The following MYRFL variants were observed in gnomAD, a reference collection of about 807,000 sequenced individuals.
MYRFL encodes the protein myelin regulatory factor-like protein.
MYRFL carries 88 observed loss-of-function variants against 109.4 expected under a neutral mutation model. The ratio of observed to expected loss-of-function variants is 0.80; its 90% CI spans 0.68 to 0.96. The LOEUF (loss-of-function observed/expected upper bound fraction) is 0.96, where lower values mean the gene tolerates loss of function less well. Ranked by LOEUF, MYRFL falls within the 40% of genes least tolerant of loss-of-function variation. The pLI, the probability that MYRFL is intolerant of heterozygous loss-of-function variation, is 0.00. For missense variants in MYRFL, 957 were observed against 954.9 expected, an observed-to-expected ratio of 1.00 and a Z score of -0.03; for synonymous variants, 324 against 320.9, an observed-to-expected ratio of 1.01 and a Z score of -0.10.
intron 10 of MYRFL, among the ~76,000 whole-genome samples, chr12:69,902,407 T>C (rs1241652094): frequency 6.6e-6 from 1 of 152,150 alleles, no homozygotes; most frequent in South Asian, 2.1e-4. Flanking sequence ...AGAGAGTATA[T>C]AGTGAAAGGT....
chr12:69,895,461 AAAACC>A lies in MYRFL; in HGVS notation c.1075_1079del (p.Pro359SerfsTer16). 1 of 1,535,698 alleles carries A rather than the reference AAAACC, an allele frequency of 6.5e-7. No homozygotes were observed. ...CAGCAAATAATATGAGAAAAAAGGGAAAACCAAATCCAGACCAGAGGTACTGATGT... is the reference window on the plus strand; with the variant it reads ...CAGCAAATAATATGAGAAAAAAGGGAAAATCCAGACCAGAGGTACTGATGT... On this transcript the variant is annotated frameshift_variant, in exon 9 of 25. Transcript: ENST00000552032. LOFTEE classifies it high-confidence loss of function.
chr12:69,874,871 C>T (rs1225432195), intron 2 of MYRFL, among the ~76,000 whole-genome samples: 3 of 151,864 alleles, frequency 2.0e-5, no homozygotes, highest in East Asian at 1.9e-4. Flanking sequence ...ACTTTTAAGA[C>T]TTTCTCTTTA....
chr12:69,953,035 T>C, intron 21 of MYRFL, 149 bp downstream of exon 21: 1 of 595,232 alleles, frequency 1.7e-6, no homozygotes, highest in Non-Finnish European at 2.9e-6. Context: ...TATTACATGG[T>C]GGGAGAAAGA....
chr12:69,852,477 T>C (rs1883931198), intron 1 of MYRFL, among the ~76,000 whole-genome samples: 1 of 151,294 alleles, frequency 6.6e-6, no homozygotes, highest in African/African-American at 2.4e-5. Flanking sequence ...ATATTTAATT[T>C]TAACCAACTA....
chr12:69,924,190 G>GAAAA (rs543542332), intron 13 of MYRFL, among the ~76,000 whole-genome samples: 1 of 79,874 alleles, frequency 1.3e-5, no homozygotes, highest in African/African-American at 5.0e-5. Flanking sequence ...CTCCGTCTCA[G>GAAAA]AAAAAAAAAA....
chr12:69,862,928 A>G (rs1884781512), intron 2 of MYRFL, among the ~76,000 whole-genome samples: 1 of 152,200 alleles, frequency 6.6e-6, no homozygotes, highest in Admixed American at 6.5e-5. Context: ...GGTCCCATCA[A>G]TACCTAATTT....
intron 2 of MYRFL, among the ~76,000 whole-genome samples, chr12:69,870,128 G>GTTT (rs1332225900): frequency 2.8e-5 from 3 of 106,902 alleles, no homozygotes; most frequent in African/African-American, 1.1e-4. Context: ...TTTTTTTTTG[G>GTTT]GACAGAGTCT....
intron 16 of MYRFL, among the ~76,000 whole-genome samples, chr12:69,935,278 T>TG (rs1488085202): frequency 6.6e-6 from 1 of 152,110 alleles, no homozygotes; most frequent in East Asian, 1.9e-4. Context: ...GAACCAGGTG[T>TG]GAAGTCAAAC....
intron 1 of MYRFL, among the ~76,000 whole-genome samples, chr12:69,851,809 C>G (rs1297976530): frequency 6.6e-6 from 1 of 152,132 alleles, no homozygotes; most frequent in African/African-American, 2.4e-5. Flanking sequence ...CAGACACACA[C>G]CACCATCTTG....
At position 69,936,526 on chromosome 12, in the gene MYRFL, G is replaced by T; in HGVS notation, c.2118G>T (p.Pro706=). ...AAATTACTTTCTGTGAAATCCTGCC[G>T]TGTCAGGAGACTTATTGCTGCCCCA... ...VPEITFCEIL[P]CQETYCCPIR... Residue 706 remains proline (P), a synonymous_variant, in exon 19 of 25, where the codon CCG becomes CCT. Coordinates refer to ENST00000552032, the MANE Select transcript of MYRFL (RefSeq NM_182530.3). 5 of 1,536,010 alleles carry T rather than the reference G, an allele frequency of 3.3e-6. No individual in the cohort carries two copies. Among genetic ancestry groups the T allele is most frequent in the Non-Finnish European group, 4.4e-6 (5 of 1,146,872 alleles).
At chr12:69,912,548 C>A (rs1444844355) in intron 13 of MYRFL, among the ~76,000 whole-genome samples, 5 of 152,182 alleles carry the variant, frequency 3.3e-5, no homozygotes, top group Non-Finnish European at 7.3e-5. Flanking sequence ...TAAGCAGAAT[C>A]ATAGAGCATT....
intron 2 of MYRFL, among the ~76,000 whole-genome samples, chr12:69,869,800 G>T (rs1592729346): frequency 6.6e-6 from 1 of 152,198 alleles, no homozygotes; most frequent in Non-Finnish European, 1.5e-5. Flanking sequence ...GTCTGGTAGA[G>T]TCATGAGCAC....
chr12:69,939,928 G>GAAGA (rs1317112700), intron 19 of MYRFL, among the ~76,000 whole-genome samples: 1 of 152,208 alleles, frequency 6.6e-6, no homozygotes, highest in Admixed American at 6.5e-5. Context: ...CGATCAACTG[G>GAAGA]AAGAAAGGGT....
chr12:69,948,218 G>A (rs780226505), intron 19 of MYRFL, among the ~76,000 whole-genome samples: 1 of 152,154 alleles, frequency 6.6e-6, no homozygotes, highest in Non-Finnish European at 1.5e-5. Flanking sequence ...TTTCAGAGAA[G>A]TGTCAAATGG....
intron 2 of MYRFL, among the ~76,000 whole-genome samples, chr12:69,860,658 T>G (rs1270162185): frequency 1.3e-5 from 2 of 152,152 alleles, no homozygotes; most frequent in African/African-American, 4.8e-5. Context: ...TGCCCTCTTT[T>G]AAATTGTTTG....
rs1279590099 is a variant in MYRFL at position 69,825,413 on chromosome 12, A to G, written c.-105A>G. ...TCACTCCAATAAAAAGAAAATGAAGATTTTTCAAGAGCATTCGTAGGCTTC... is the reference window on the plus strand; with the variant it reads ...TCACTCCAATAAAAAGAAAATGAAGGTTTTTCAAGAGCATTCGTAGGCTTC... On this transcript the variant is annotated 5_prime_UTR_variant, in exon 1 of 25. Coordinates refer to ENST00000552032, the MANE Select transcript of MYRFL (RefSeq NM_182530.3). 2.9e-6 allele frequency: 2 copies of G among 690,644 alleles called. No homozygotes were observed. The highest frequency in any genetic ancestry group is 5.3e-6 in the Non-Finnish European group (2 of 380,878). 42.8% of individuals were successfully genotyped at this position (690,644 alleles called of 1,614,324 possible).
At chr12:69,882,004 C>G (rs929579577) in intron 5 of MYRFL, among the ~76,000 whole-genome samples, 1 of 152,172 alleles carries the variant, frequency 6.6e-6, no homozygotes, top group East Asian at 1.9e-4. Flanking sequence ...GTCACTCAAA[C>G]CTTCCAAGAA....
At position 69,886,923 on chromosome 12, in the gene MYRFL, C is replaced by A; in HGVS notation, c.660C>A (p.Cys220Ter). The A allele has an allele frequency of 6.5e-7, 1 of 1,535,832 alleles. No individual in the cohort carries two copies. Among genetic ancestry groups the A allele is most frequent in the Non-Finnish European group, 8.7e-7 (1 of 1,146,702 alleles). Reference protein sequence around the residue: ...QCSPALKWQPCHSVPWHSLLN... With the variant: ...QCSPALKWQP ...CTCCTGCTCTGAAGTGGCAACCATG[C>A]CATAGTGTTCCTTGGCACAGCTTAT... The change falls in exon 6 of 25, where the codon TGC (cysteine) becomes TGA (stop). Residue 220 changes from cysteine (C) to a stop codon, truncating the protein, a stop_gained. Coordinates refer to ENST00000552032, the MANE Select transcript of MYRFL (RefSeq NM_182530.3). LOFTEE classifies it high-confidence loss of function.
At chr12:69,834,532 C>T (rs1016647994) in intron 1 of MYRFL, among the ~76,000 whole-genome samples, 7 of 152,100 alleles carry the variant, frequency 4.6e-5, no homozygotes, top group Admixed American at 1.3e-4. Context: ...TAACACCTAC[C>T]CTCTTACGGT....
Sources: gnomAD v4.1 joint callset for allele counts (sites outside exome capture counted in the v4.1 genomes callset) on GRCh38, gnomAD v4.1.1 for gene constraint, MANE v1.5 for transcripts, NCBI Gene and HGNC (gene_info 2026-07-23, HGNC 2026-07-21) for gene names.